Variants in RBBP4 observed in about 807,000 individuals in gnomAD.
The protein encoded by RBBP4 is histone-binding protein RBBP4.
A neutral mutation model predicts 57.2 loss-of-function variants in RBBP4; 3 were observed. The ratio of observed to expected loss-of-function variants is 0.05; its 90% confidence interval spans 0.02 to 0.14. RBBP4 has a LOEUF of 0.14. RBBP4 is among the 10% of genes least tolerant of loss of function. RBBP4 has a pLI of 1.00. For missense variants in RBBP4, 107 were observed against 520.6 expected, an observed-to-expected ratio of 0.21 and a Z score of 7.73; for synonymous variants, 151 against 171.5, an observed-to-expected ratio of 0.88 and a Z score of 0.93.
chr1:32,665,469 G>A (rs1648604044), intron 3 of RBBP4, among the ~76,000 whole-genome samples: 1 of 152,016 alleles, frequency 6.6e-6, no homozygotes, highest in Admixed American at 6.6e-5. Flanking sequence ...TCTGATGTCA[G>A]GAGTTCAAGA....
intron 2 of RBBP4, 180 bp downstream of exon 2, chr1:32,652,241 C>T: frequency 3.0e-6 from 2 of 676,548 alleles, no homozygotes; most frequent in Non-Finnish European, 4.8e-6. Flanking sequence ...ACTTACCTGA[C>T]AAGAGAAAAC....
rs1052374544 is a variant in RBBP4 at position 32,681,406 on chromosome 1, T to C, written c.*1701T>C. On this transcript the variant is annotated 3_prime_UTR_variant, in exon 12 of 12. Transcript: ENST00000373493. ...CACTCGTGGCACAAAAGAATGGAAA[T>C]TGTAAACCCATGTAATGGAAATTGG... 1.2e-5 allele frequency: 2 copies of C among 167,332 alleles called. No individual in the cohort carries two copies. The highest frequency in any genetic ancestry group is 2.6e-5 in the Non-Finnish European group (2 of 78,196). The allele number at this position is 167,332 out of a possible 1,614,324, so 10.4% of individuals were successfully genotyped here. A position where few individuals can be genotyped will look rare whatever the true frequency, so the allele number is the denominator to read the frequency against.
In RBBP4 at chr1:32,668,245, G is replaced by A; in HGVS notation, c.331G>A (p.Val111Ile). Reference sequence around the variant, plus strand: ...CACAGAATTTGGAGGTTTTGGTTCAGTTAGTGGAAAAATTGAAATAGAAAT... The same window carrying A: ...CACAGAATTTGGAGGTTTTGGTTCAATTAGTGGAAAAATTGAAATAGAAAT... ...EKGEFGGFGS[V>I]SGKIEIEIKI... The change falls in exon 4 of 12, where the codon GTT (valine) becomes ATT (isoleucine). Residue 111 changes from valine to isoleucine, a missense_variant. This residue lies in a region of RBBP4 where 92 missense variants were observed against 408.5 expected (regional missense o/e 0.23). Transcript: ENST00000373493. The A allele has an allele frequency of 6.2e-7, 1 of 1,612,482 alleles. No individual in the cohort carries two copies. Among genetic ancestry groups the A allele is most frequent in the Non-Finnish European group, 8.5e-7 (1 of 1,179,284 alleles).
rs1647618230 is a variant in RBBP4 at position 32,651,424 on chromosome 1, C to T, written c.16+102C>T. The stretch of plus-strand genomic sequence containing the variant: ...AGGGCAGGCCCGAGTTTGCCGAGTG[C>T]AGTCCCCGGTACTGAAGGCGTGAAG... On this transcript the variant is annotated intron_variant, in intron 1 of 11. Transcript: ENST00000373493. The T allele has an allele frequency of 3.6e-6, 5 of 1,382,362 alleles. No individual in the cohort carries two copies. The African/African-American group carries it at 4.6e-5, about 13-fold the overall frequency. 85.6% of individuals were successfully genotyped at this position (1,382,362 alleles called of 1,614,324 possible). A position where few individuals can be genotyped will look rare whatever the true frequency, so the allele number is the denominator to read the frequency against.
chr1:32,675,513 T>TA (rs1303323155), intron 11 of RBBP4, among the ~76,000 whole-genome samples: 3 of 151,372 alleles, frequency 2.0e-5, no homozygotes, highest in Non-Finnish European at 4.4e-5. Context: ...CTCACGCCTG[T>TA]ACTCCCAGCA....
Position 32,657,369 on chromosome 1 carries a change from G to A in RBBP4, c.165-58G>A, listed in dbSNP as rs1648190239. The A allele has an allele frequency of 3.9e-6, 6 of 1,523,972 alleles. No individual in the cohort carries two copies. In the Admixed American group the frequency reaches 8.9e-5, roughly 22 times the overall value. The allele number at this position is 1,523,972 out of a possible 1,614,324, so 94.4% of individuals were successfully genotyped here. On this transcript the variant is annotated intron_variant, in intron 2 of 11. Coordinates refer to ENST00000373493, the MANE Select transcript of RBBP4 (RefSeq NM_005610.3). ...GACTTTGACATACATGTATATTGTT[G>A]ACTTCGCCGTCTCCTGATGTTACTA...
chr1:32,684,019 G>GT lies in RBBP4; in HGVS notation c.*4315dup. On this transcript the variant is annotated 3_prime_UTR_variant, in exon 12 of 12. Transcript: ENST00000373493. ...TCTTCACAAAGATCACCTTGAGACT[G>GT]TGTCTCCATTCCACCTGCCTGAGAA... The GT allele has an allele frequency of 6.2e-7, 1 of 1,614,030 alleles. No homozygotes were observed.
chr1:32,683,904 A>G lies in RBBP4; in HGVS notation c.*4199A>G. On this transcript the variant is annotated 3_prime_UTR_variant, in exon 12 of 12. Transcript: ENST00000373493. ...CTCCTCAGCCTCCCAAAGTGCTAGGATTACAGGCGTGAGCCACCCCGTCCG... is the reference window on the plus strand; with the variant it reads ...CTCCTCAGCCTCCCAAAGTGCTAGGGTTACAGGCGTGAGCCACCCCGTCCG... The G allele has an allele frequency of 9.0e-7, 1 of 1,113,300 alleles. No individual in the cohort carries two copies. Among genetic ancestry groups the G allele is most frequent in the Non-Finnish European group, 1.3e-6 (1 of 755,334 alleles). The allele number at this position is 1,113,300 out of a possible 1,614,324, so 69.0% of individuals were successfully genotyped here.
rs529717270 is a variant in RBBP4, at chr1:32,669,434, AT to A, written c.889-42del. On this transcript the variant is annotated intron_variant, in intron 7 of 11. Coordinates refer to ENST00000373493, the MANE Select transcript of RBBP4 (RefSeq NM_005610.3). This position sits in a 1 kb window ranked among gnomAD's most constrained non-coding sequence, Gnocchi z 4.9. Reference sequence around the variant, plus strand: ...ATTGCAGAGATATTTTACTTACAGTATTTTTTTTTTCTTAAAAAATTGATTA... The same window carrying A: ...ATTGCAGAGATATTTTACTTACAGTATTTTTTTTTCTTAAAAAATTGATTA... 6.1e-4 allele frequency: 906 copies of A among 1,487,216 alleles called. 1 individual carries two copies. The highest frequency in any genetic ancestry group is 8.1e-4 in the Admixed American group (36 of 44,362). The allele number at this position is 1,487,216 out of a possible 1,614,324, so 92.1% of individuals were successfully genotyped here.
intron 11 of RBBP4, among the ~76,000 whole-genome samples, chr1:32,674,481 A>G (rs1649011094): frequency 6.6e-6 from 1 of 151,538 alleles, no homozygotes; most frequent in Admixed American, 6.6e-5. Flanking sequence ...CGATTTGCCC[A>G]CCTCCCAGAG....
intron 8 of RBBP4, among the ~76,000 whole-genome samples, chr1:32,671,394 C>T (rs949215528): frequency 3.9e-5 from 6 of 152,084 alleles, no homozygotes; most frequent in African/African-American, 1.2e-4. Flanking sequence ...ACCACCCTGA[C>T]CAACATGGTG....
At chr1:32,677,799 T>G (rs567438664) in intron 11 of RBBP4, among the ~76,000 whole-genome samples, 1 of 152,312 alleles carries the variant, frequency 6.6e-6, no homozygotes, top group South Asian at 2.1e-4. Context: ...TTGTATGTAT[T>G]CTTTTCTCTG....
At chr1:32,652,887 C>T (rs1647937518) in intron 2 of RBBP4, among the ~76,000 whole-genome samples, 1 of 152,140 alleles carries the variant, frequency 6.6e-6, no homozygotes, top group African/African-American at 2.4e-5. Context: ...TGTCATGGTA[C>T]CTGCCTTCAA....
At position 32,666,219 on chromosome 1, in the gene RBBP4, C is replaced by G. The variant is rs191069857; in HGVS notation, c.311-2006C>G. 3.3e-5 allele frequency among the ~76,000 whole-genome samples: 5 copies of G among 152,280 alleles called. No homozygotes were observed. In the East Asian group the frequency reaches 9.6e-4, roughly 29 times the overall value. ...CGGCATGATGGTATTTCAGAACATT[C>G]ATCCCAAGCTAGAGCTTCATACAAG... is the stretch of plus-strand genomic sequence containing the variant. On this transcript the variant is annotated intron_variant, in intron 3 of 11. Transcript: ENST00000373493.
In RBBP4 at chr1:32,682,171, G is replaced by A. The variant is rs776217309; in HGVS notation, c.*2466G>A. The A allele has an allele frequency of 1.3e-5, 4 of 310,358 alleles. No individual in the cohort carries two copies. Among genetic ancestry groups the A allele is most frequent in the Non-Finnish European group, 2.4e-5 (4 of 166,830 alleles). 19.2% of individuals were successfully genotyped at this position (310,358 alleles called of 1,614,324 possible). Reference sequence around the variant, plus strand: ...TGTACACAATCTGATCAACACAAAGGTAGTTAGTAGATCATTAACCTCAAT... The same window carrying A: ...TGTACACAATCTGATCAACACAAAGATAGTTAGTAGATCATTAACCTCAAT... On this transcript the variant is annotated 3_prime_UTR_variant, in exon 12 of 12. Coordinates refer to ENST00000373493, the MANE Select transcript of RBBP4 (RefSeq NM_005610.3).
In RBBP4 at chr1:32,686,162, T is replaced by TTTGA. The variant is rs1445474588; in HGVS notation, c.*6458_*6459insTGAT. On this transcript the variant is annotated 3_prime_UTR_variant, in exon 12 of 12. Transcript: ENST00000373493. ...ATATGTCAAAAATATTTGATACTGA[T>TTTGA]TACATGTTGAAATATATGTGTTGGG... 6.6e-6 allele frequency: 1 copy of TTTGA among 152,252 alleles called. No individual in the cohort carries two copies. The highest frequency in any genetic ancestry group is 1.5e-5 in the Non-Finnish European group (1 of 68,046). The allele number at this position is 152,252 out of a possible 1,614,324, so 9.4% of individuals were successfully genotyped here. A position where few individuals can be genotyped will look rare whatever the true frequency, so the allele number is the denominator to read the frequency against.
intron 2 of RBBP4, among the ~76,000 whole-genome samples, chr1:32,654,506 C>A (rs1648048383): frequency 6.6e-6 from 1 of 152,182 alleles, no homozygotes; most frequent in Non-Finnish European, 1.5e-5. Context: ...CCATCCCATA[C>A]CTACTAAACA....
chr1:32,658,991 A>G lies in RBBP4; in HGVS notation c.310+1419A>G, dbSNP rs1017215230. Among the ~76,000 whole-genome samples, 3 of 136,990 alleles carry G rather than the reference A, an allele frequency of 2.2e-5. No individual in the cohort carries two copies. The Admixed American group carries it at 2.6e-4, about 12-fold the overall frequency. 89.9% of individuals were successfully genotyped at this position (136,990 alleles called of 152,430 possible). A position where few individuals can be genotyped will look rare whatever the true frequency, so the allele number is the denominator to read the frequency against. On this transcript the variant is annotated intron_variant, in intron 3 of 11. Transcript: ENST00000373493. ...TATGTAAAACTACATGCGTGTATAT[A>G]TTGTGTGTAAAATATAGTTATATAT...
At chr1:32,678,777 A>G (rs1305088981) in intron 11 of RBBP4, among the ~76,000 whole-genome samples, 1 of 150,858 alleles carries the variant, frequency 6.6e-6, no homozygotes, top group Non-Finnish European at 1.5e-5. Flanking sequence ...TGTAGTAGAG[A>G]TGCAGTTTCG....
Sources: gnomAD v4.1 joint callset for allele counts (sites outside exome capture counted in the v4.1 genomes callset) on GRCh38, gnomAD v4.1.1 for gene constraint, gnomAD v4.1.1 regional missense constraint, Gnocchi (gnomAD v3.1) non-coding constraint, MANE v1.5 for transcripts, NCBI Gene and HGNC (gene_info 2026-07-23, HGNC 2026-07-21) for gene names.